COL4A1: variants seen among roughly 807,000 people sequenced by gnomAD.
COL4A1 encodes the protein collagen type IV alpha 1 chain.
In COL4A1, 40 loss-of-function variants were observed where a neutral mutation model predicts 216.6. The ratio of observed to expected loss-of-function variants is 0.18; its 90% CI spans 0.14 to 0.24. The LOEUF (loss-of-function observed/expected upper bound fraction) is 0.24. Among genes scored for constraint, COL4A1 ranks in the 10% least tolerant of loss-of-function variants. The pLI, the probability that COL4A1 is intolerant of heterozygous loss-of-function variation, is 1.00. For missense variants in COL4A1, 1,628 were observed against 2,196.8 expected (o/e 0.74, Z 5.18); for synonymous variants, 839 against 810.7 (o/e 1.03, Z -0.59).
intron 18 of COL4A1, 139 bp from the exon 19 acceptor site, chr13:110,201,661 G>A (rs753808631): frequency 1.7e-5 from 14 of 837,450 alleles, no homozygotes; most frequent in South Asian, 2.7e-5. Context: ...CAATGGTAGC[G>A]GACAAGGAGG....
At chr13:110,219,745 C>CATATGTGTATATATGCGTAT (rs1566385233) in intron 2 of COL4A1, among the ~76,000 whole-genome samples, 1 of 117,590 alleles carries the variant, frequency 8.5e-6, no homozygotes, top group African/African-American at 3.2e-5. Flanking sequence ...TATGTATATA[C>CATATGTGTATATATGCGTAT]ATATGTGTAT....
Position 110,205,600 on chromosome 13 carries a change from T to A in COL4A1, c.859-62A>T, listed in dbSNP as rs111835704. On this transcript the variant is annotated intron_variant, in intron 15 of 51. Coordinates refer to ENST00000375820, the MANE Select transcript of COL4A1 (RefSeq NM_001845.6). ...ATAATAGACTGCGCGCGGTGGCTCA[T>A]GCCTGTAATCCCAGCACTTTGGGAG... The A allele has an allele frequency of 6.3e-6, 10 of 1,576,630 alleles. No homozygotes were observed. In the African/African-American group the frequency reaches 1.1e-4, roughly 17 times the overall value.
intron 1 of COL4A1, among the ~76,000 whole-genome samples, chr13:110,297,291 T>C (rs1415332770): frequency 1.3e-5 from 2 of 152,178 alleles, no homozygotes; most frequent in Non-Finnish European, 2.9e-5. Flanking sequence ...ATTCCAAGAA[T>C]TTCAGGAATT....
chr13:110,181,810 C>T (rs1878171055), intron 28 of COL4A1, among the ~76,000 whole-genome samples: 2 of 152,182 alleles, frequency 1.3e-5, no homozygotes, highest in Non-Finnish European at 2.9e-5. Flanking sequence ...GGCAGGCCCA[C>T]TTTTCAAGAT....
chr13:110,200,251 T>C (rs1369319217), intron 20 of COL4A1, among the ~76,000 whole-genome samples: 1 of 152,188 alleles, frequency 6.6e-6, no homozygotes, highest in Non-Finnish European at 1.5e-5. Context: ...CACACGTGCA[T>C]CTGCGCATAT....
intron 2 of COL4A1, among the ~76,000 whole-genome samples, chr13:110,231,628 C>G (rs528671580): frequency 5.9e-5 from 9 of 152,288 alleles, no homozygotes; most frequent in African/African-American, 2.2e-4. Context: ...GTAGGGCAGG[C>G]TCCAGGACTG....
chr13:110,305,028 T>C (rs796897110), intron 1 of COL4A1, among the ~76,000 whole-genome samples: 2 of 152,372 alleles, frequency 1.3e-5, no homozygotes, highest in African/African-American at 2.4e-5. Flanking sequence ...CAAAATGTTA[T>C]TGATGGCATG....
In COL4A1 at chr13:110,173,979, G is replaced by T. The variant is rs1399473391; in HGVS notation, c.3426C>A (p.Gly1142=). The T allele has an allele frequency of 6.2e-7, 1 of 1,614,140 alleles. No homozygotes were observed. The change falls in exon 40 of 52, where the codon GGC becomes GGA. Residue 1142 remains glycine, a synonymous_variant. Coordinates refer to ENST00000375820, the MANE Select transcript of COL4A1 (RefSeq NM_001845.6). ...CTTTCTGGCCAGCTGGGCCTGTGGG[G>T]CCAGGAGTCCCAGGAAGACCTCAAA... The part of the protein sequence containing the change: ...KGEAGLPGTP[G]PTGPAGQKGE...
intron 24 of COL4A1, chr13:110,191,736 GC>G (rs1201810556): frequency 2.2e-5 from 14 of 636,746 alleles, no homozygotes; most frequent in Middle Eastern, 4.9e-4. Flanking sequence ...AAACAGATCT[GC>G]TTTCCTTGAT....
intron 41 of COL4A1, 82 bp from the exon 42 acceptor site, chr13:110,170,814 G>A (rs1877607009): frequency 2.7e-6 from 4 of 1,478,452 alleles, no homozygotes; most frequent in African/African-American, 2.8e-5. Context: ...GAGATGGGAT[G>A]AGGCGTGCCT....
At chr13:110,296,496 T>A (rs1457818212) in intron 1 of COL4A1, among the ~76,000 whole-genome samples, 1 of 152,234 alleles carries the variant, frequency 6.6e-6, no homozygotes, top group Non-Finnish European at 1.5e-5. Context: ...AAGCTAACAT[T>A]TTATGAATGC....
rs1012028331 is a variant in COL4A1, at chr13:110,284,774, G to A, written c.84+22170C>T. The stretch of plus-strand genomic sequence containing the variant: ...TAATCAGAACAGTAAGGCAAATGCT[G>A]ATGGAGATTACCATCTCCTGAACAT... On this transcript the variant is annotated intron_variant, in intron 1 of 51. Transcript: ENST00000375820. Among the ~76,000 whole-genome samples the A allele has an allele frequency of 2.6e-5, 4 of 152,330 alleles. No individual in the cohort carries two copies. In the East Asian group the frequency reaches 7.7e-4, roughly 29 times the overall value.
At chr13:110,232,586 A>G (rs6492248) in intron 2 of COL4A1, among the ~76,000 whole-genome samples, 2,022 of 152,224 alleles carry the variant, frequency 0.013, 47 homozygotes, top group African/African-American at 0.046. Flanking sequence ...AAAGAAAGCT[A>G]TTTTCCTGCC....
chr13:110,217,680 A>AAAAGGAAAGG (rs1235020065), intron 2 of COL4A1, among the ~76,000 whole-genome samples: 3 of 152,206 alleles, frequency 2.0e-5, no homozygotes, highest in Admixed American at 1.3e-4. Flanking sequence ...CACTGATCAA[A>AAAAGGAAAGG]AAAGGAAAAT....
intron 2 of COL4A1, among the ~76,000 whole-genome samples, chr13:110,226,542 A>T (rs758507332): frequency 1.3e-5 from 2 of 152,236 alleles, no homozygotes; most frequent in Non-Finnish European, 2.9e-5. Context: ...CTAAGAGATA[A>T]GAACAGTTCC....
chr13:110,306,637 C>T (rs1054169290), intron 1 of COL4A1, among the ~76,000 whole-genome samples: 1 of 152,208 alleles, frequency 6.6e-6, no homozygotes, highest in Non-Finnish European at 1.5e-5. Flanking sequence ...ACCCGCGACG[C>T]GGGTTCAAAT....
At chr13:110,279,006 C>G (rs2139297907) in intron 1 of COL4A1, among the ~76,000 whole-genome samples, 1 of 152,302 alleles carries the variant, frequency 6.6e-6, no homozygotes, top group African/African-American at 2.4e-5. Context: ...CCCACTGTCA[C>G]GGTTGGCTCC....
chr13:110,266,378 G>A (rs559969781), intron 1 of COL4A1, among the ~76,000 whole-genome samples: 7 of 152,286 alleles, frequency 4.6e-5, no homozygotes, highest in South Asian at 4.1e-4. Context: ...CTGTCGCCAC[G>A]AATCCTAGCT....
At chr13:110,151,358 G>T (rs1341482748) in intron 51 of COL4A1, among the ~76,000 whole-genome samples, 1 of 151,860 alleles carries the variant, frequency 6.6e-6, no homozygotes. Flanking sequence ...GACACCGCAA[G>T]GGCTGAGGCA....
Sources: allele counts gnomAD v4.1 joint callset (sites outside exome capture counted in the v4.1 genomes callset), GRCh38; gene constraint gnomAD v4.1.1; transcripts MANE v1.5; gene names NCBI Gene and HGNC (gene_info 2026-07-23, HGNC 2026-07-21).